Variants in FBXL13 observed in about 807,000 individuals in gnomAD.
FBXL13 encodes the protein F-box and leucine rich repeat protein 13.
FBXL13 carries 67 observed loss-of-function variants against 83.6 expected under a neutral mutation model. The ratio of observed to expected loss-of-function variants is 0.80; its 90% CI spans 0.66 to 0.98. The LOEUF (loss-of-function observed/expected upper bound fraction) is 0.98. Among genes scored for constraint, FBXL13 ranks in the 50% least tolerant of loss-of-function variants. The pLI, the probability that FBXL13 is intolerant of heterozygous loss-of-function variation, is 0.00. For synonymous variants in FBXL13, 272 were observed against 299.5 expected, an observed-to-expected ratio of 0.91 and a Z score of 0.95; for missense variants, 822 against 866.5, an observed-to-expected ratio of 0.95 and a Z score of 0.64.
intron 10 of FBXL13, among the ~76,000 whole-genome samples, chr7:102,921,670 A>T (rs1380884646): frequency 6.6e-6 from 1 of 152,140 alleles, no homozygotes; most frequent in Non-Finnish European, 1.5e-5. Flanking sequence ...ACAGAGCAAG[A>T]TTCCATCTCA....
At position 103,060,235 on chromosome 7, in the gene FBXL13, T is replaced by C. The variant is rs564570418; in HGVS notation, c.-104-4488A>G. 1.5e-4 allele frequency among the ~76,000 whole-genome samples: 23 copies of C among 151,252 alleles called. No individual in the cohort carries two copies. In the East Asian group the frequency reaches 2.9e-3, roughly 19 times the overall value. On this transcript the variant is annotated intron_variant, in intron 1 of 19. Coordinates refer to ENST00000313221, the Ensembl canonical transcript of FBXL13. ...CCCCCAAACTCACTTAATTTTGTTG[T>C]TGAAATGGAGTCTCACTCTGTTGCC...
chr7:102,935,238 C>CTT (rs1563116555), intron 8 of FBXL13, among the ~76,000 whole-genome samples: 2 of 84,472 alleles, frequency 2.4e-5, no homozygotes, highest in African/African-American at 4.7e-5. Context: ...TTTTTTTTTT[C>CTT]TTTCTTTTTT....
intron 19 of FBXL13, among the ~76,000 whole-genome samples, chr7:102,815,086 T>C (rs1379842995): frequency 6.6e-6 from 1 of 152,156 alleles, no homozygotes; most frequent in African/African-American, 2.4e-5. Flanking sequence ...CACCATCAGT[T>C]TCATGTAACA....
At chr7:103,022,103 G>A (rs922058770) in intron 6 of FBXL13, among the ~76,000 whole-genome samples, 4 of 152,092 alleles carry the variant, frequency 2.6e-5, no homozygotes, top group South Asian at 2.1e-4. Flanking sequence ...ATGATAGACT[G>A]GATTAAGAAA....
rs1264776878 is a variant in FBXL13, at chr7:102,973,915, C to G, written c.496-5798G>C. On this transcript the variant is annotated intron_variant, in intron 6 of 19. Coordinates refer to ENST00000313221, the Ensembl canonical transcript of FBXL13. The stretch of plus-strand genomic sequence containing the variant: ...ATCATCTGGTCTTAGGGGGACGCCT[C>G]TAAGCCATTTGATCCCGTTCCGGGA... 4 of 657,288 alleles carry G rather than the reference C, an allele frequency of 6.1e-6. No individual in the cohort carries two copies. The East Asian group carries it at 1.1e-4, about 18-fold the overall frequency. 40.7% of individuals were successfully genotyped at this position (657,288 alleles called of 1,614,324 possible). A position where few individuals can be genotyped will look rare whatever the true frequency, so the allele number is the denominator to read the frequency against.
In FBXL13 at chr7:102,843,439, A is replaced by C. The variant is rs1416354436; in HGVS notation, c.1720-10465T>G. On this transcript the variant is annotated intron_variant, in intron 17 of 19. Coordinates refer to ENST00000313221, the Ensembl canonical transcript of FBXL13. ...GGCAAAAAGAGCAAAACTCCATCTC[A>C]AAAACAAAAACAAAAACAAAAAACA... Among the ~76,000 whole-genome samples, 8 of 152,092 alleles carry C rather than the reference A, an allele frequency of 5.3e-5. No individual in the cohort carries two copies. In the East Asian group the frequency reaches 1.5e-3, roughly 29 times the overall value.
At chr7:102,814,670 A>G (rs1797748811) in intron 19 of FBXL13, among the ~76,000 whole-genome samples, 1 of 152,250 alleles carries the variant, frequency 6.6e-6, no homozygotes, top group Non-Finnish European at 1.5e-5. Flanking sequence ...AAAAGCAATT[A>G]TCATATACTA....
chr7:102,909,401 C>T (rs915564594), intron 11 of FBXL13, among the ~76,000 whole-genome samples: 4 of 152,084 alleles, frequency 2.6e-5, no homozygotes, highest in South Asian at 2.1e-4. Flanking sequence ...CTCCTGTGGC[C>T]GTGCTGGTAT....
At chr7:102,984,626 AT>A (rs1172704373) in intron 6 of FBXL13, among the ~76,000 whole-genome samples, 18 of 152,176 alleles carry the variant, frequency 1.2e-4, no homozygotes, top group African/African-American at 1.4e-4. Context: ...CTTAATTGAT[AT>A]TTTTTTAATG....
At chr7:103,020,258 T>C (rs572758685) in intron 6 of FBXL13, among the ~76,000 whole-genome samples, 2 of 152,210 alleles carry the variant, frequency 1.3e-5, no homozygotes, top group Non-Finnish European at 2.9e-5. Flanking sequence ...GAAAAGGCCT[T>C]TGACAAAATT....
intron 2 of FBXL13, among the ~76,000 whole-genome samples, chr7:103,053,884 G>A (rs2129495812): frequency 6.6e-6 from 1 of 152,312 alleles, no homozygotes; most frequent in East Asian, 1.9e-4. Context: ...TGGCACCTCA[G>A]AATCATCTCA....
chr7:102,964,636 C>T (rs1825788906), intron 7 of FBXL13, among the ~76,000 whole-genome samples: 1 of 152,016 alleles, frequency 6.6e-6, no homozygotes. Flanking sequence ...CTCCTGACCT[C>T]AAATGATCCA....
At chr7:103,007,582 T>C (rs1029843763) in intron 6 of FBXL13, among the ~76,000 whole-genome samples, 3 of 152,106 alleles carry the variant, frequency 2.0e-5, no homozygotes, top group Non-Finnish European at 4.4e-5. Flanking sequence ...AGGGGGTTCT[T>C]TATGTTGAAG....
chr7:102,925,181 C>G (rs567824575), intron 10 of FBXL13, among the ~76,000 whole-genome samples: 5 of 151,950 alleles, frequency 3.3e-5, no homozygotes, highest in Non-Finnish European at 7.4e-5. Context: ...ATCATTTGAG[C>G]CCAGGAGTTT....
intron 6 of FBXL13, among the ~76,000 whole-genome samples, 191 bp from the exon 8 acceptor site, chr7:102,968,308 T>C (rs1826216128): frequency 6.6e-6 from 1 of 152,254 alleles, no homozygotes; most frequent in Non-Finnish European, 1.5e-5. Flanking sequence ...AGGAGTTTTA[T>C]CTAAAGTACT....
intron 10 of FBXL13, among the ~76,000 whole-genome samples, chr7:102,921,498 G>A (rs1164992426): frequency 6.6e-6 from 1 of 151,802 alleles, no homozygotes; most frequent in Non-Finnish European, 1.5e-5. Flanking sequence ...TGGCCAATGT[G>A]GTGAAACCCT....
At chr7:102,922,485 T>C (rs904796810) in intron 10 of FBXL13, among the ~76,000 whole-genome samples, 1 of 152,192 alleles carries the variant, frequency 6.6e-6, no homozygotes, top group African/African-American at 2.4e-5. Flanking sequence ...TAAATGTATG[T>C]GCATTTACTA....
intron 8 of FBXL13, among the ~76,000 whole-genome samples, chr7:102,947,758 A>G (rs1322634418): frequency 6.6e-6 from 1 of 151,830 alleles, no homozygotes; most frequent in Admixed American, 6.6e-5. Flanking sequence ...TTGAACGTAT[A>G]TATCACTTGG....
At chr7:102,986,341 G>A (rs1828946608) in intron 6 of FBXL13, among the ~76,000 whole-genome samples, 1 of 152,146 alleles carries the variant, frequency 6.6e-6, no homozygotes, top group Non-Finnish European at 1.5e-5. Context: ...AGGAATGGAG[G>A]CTCATGACAG....
Sources: gnomAD v4.1 joint callset for allele counts (sites outside exome capture counted in the v4.1 genomes callset) on GRCh38, gnomAD v4.1.1 for gene constraint, MANE v1.5 for transcripts, NCBI Gene and HGNC (gene_info 2026-07-23, HGNC 2026-07-21) for gene names.